The following FAR1 variants were observed in gnomAD, a reference collection of about 807,000 sequenced individuals.
The protein encoded by FAR1 is fatty acyl-CoA reductase 1, also known as male sterility domain-containing protein 2.
FAR1 carries 22 observed loss-of-function variants against 61.1 expected under a neutral mutation model. The observed-to-expected ratio is 0.36, with a 90% CI of 0.26 to 0.51. The LOEUF is 0.51. Ranked by LOEUF, FAR1 falls within the 20% of genes least tolerant of loss-of-function variation. The probability of loss-of-function intolerance (pLI) is 0.95; values close to 1 mark genes in which losing one functional copy is unlikely to be tolerated. For missense variants in FAR1, 359 were observed against 626.9 expected (o/e 0.57, Z 4.56); for synonymous variants, 206 against 209.7 (o/e 0.98, Z 0.15).
chr11:13,719,877 T>C (rs1848591178), intron 9 of FAR1: 1 of 152,194 alleles, frequency 6.6e-6, no homozygotes, highest in Non-Finnish European at 1.5e-5. Context: ...CTTGCCTTAC[T>C]CTAAAGGATT....
chr11:13,728,034 T>C (rs534428804), intron 11 of FAR1, among the ~76,000 whole-genome samples: 2 of 151,994 alleles, frequency 1.3e-5, no homozygotes, highest in South Asian at 4.2e-4. Flanking sequence ...GAACCTCTTT[T>C]CTCTACATCA....
intron 1 of FAR1, among the ~76,000 whole-genome samples, chr11:13,672,663 AG>A (rs35026369): frequency 0.14 from 20,950 of 152,082 alleles, 1,910 homozygotes; most frequent in Non-Finnish European, 0.19. Context: ...GTAGGAGAGA[AG>A]ATAGTCTTAT....
At chr11:13,669,148 C>T (rs1847964671) in intron 1 of FAR1, among the ~76,000 whole-genome samples, 1 of 152,148 alleles carries the variant, frequency 6.6e-6, no homozygotes, top group African/African-American at 2.4e-5. Context: ...AGCCGAGCAG[C>T]GGGCTCCGCG....
At chr11:13,714,307 C>T (rs760822050) in intron 8 of FAR1, among the ~76,000 whole-genome samples, 2 of 151,992 alleles carry the variant, frequency 1.3e-5, no homozygotes, top group Non-Finnish European at 2.9e-5. Flanking sequence ...TCATAAATAG[C>T]GGCAGTTACA....
intron 1 of FAR1, among the ~76,000 whole-genome samples, chr11:13,672,953 A>G (rs1390254988): frequency 6.6e-6 from 1 of 152,200 alleles, no homozygotes; most frequent in African/African-American, 2.4e-5. Context: ...TTGGCTTTAT[A>G]TCCTTCTTCC....
chr11:13,701,883 T>C (rs563875385), intron 3 of FAR1, among the ~76,000 whole-genome samples: 1 of 152,304 alleles, frequency 6.6e-6, no homozygotes, highest in South Asian at 2.1e-4. Context: ...GCTTTGGAAT[T>C]ACATACATTA....
At chr11:13,680,797 G>C (rs1368280549) in intron 1 of FAR1, among the ~76,000 whole-genome samples, 2 of 152,128 alleles carry the variant, frequency 1.3e-5, no homozygotes, top group African/African-American at 4.8e-5. Context: ...TTGGGAATCA[G>C]ATTTCAACAT....
At position 13,721,873 on chromosome 11, in the gene FAR1, TTC is replaced by T. The variant is rs770494479; in HGVS notation, c.1257+16_1257+17del. ...GAAGATAAAAAGGCAAGCAAGTATT[TTC>T]TGTTTTATATTAGAAAATAAGTAGC... On this transcript the variant is annotated intron_variant, in intron 10 of 11. Coordinates refer to ENST00000354817, the MANE Select transcript of FAR1 (RefSeq NM_032228.6). This position sits in a 1 kb window ranked among gnomAD's most constrained non-coding sequence, Gnocchi z 4.2. The T allele has an allele frequency of 6.3e-6, 10 of 1,582,350 alleles. No individual in the cohort carries two copies. The highest frequency in any genetic ancestry group is 1.7e-4 in the Middle Eastern group (1 of 5,998).
intron 10 of FAR1, among the ~76,000 whole-genome samples, chr11:13,725,558 G>T (rs1848660058): frequency 6.6e-6 from 1 of 151,970 alleles, no homozygotes; most frequent in South Asian, 2.1e-4. Context: ...TGGAAATGCA[G>T]ACTAAAGTTA....
intron 7 of FAR1, 45 bp from the exon 8 acceptor site, chr11:13,712,921 T>C (rs1329499858): frequency 6.6e-7 from 1 of 1,505,622 alleles, no homozygotes. Flanking sequence ...TTGGATATGT[T>C]TGGCCTCTTA....
Position 13,700,430 on chromosome 11 carries a change from C to A in FAR1, c.303C>A (p.Ile101=). The change falls in exon 3 of 12, where the codon ATC becomes ATA. Residue 101 remains isoleucine, a synonymous_variant. Transcript: ENST00000354817. ...LALSEEDKEV[I]IDSTNIIFHC... ...TCAGTGAAGAAGATAAAGAGGTGAT[C>A]ATAGATTCTACCAATATTATATTCC... The A allele has an allele frequency of 6.3e-7, 1 of 1,592,388 alleles. No homozygotes were observed. Among genetic ancestry groups the A allele is most frequent in the South Asian group, 1.2e-5 (1 of 85,868 alleles).
chr11:13,684,883 A>G (rs1354699965), intron 1 of FAR1, among the ~76,000 whole-genome samples: 1 of 152,224 alleles, frequency 6.6e-6, no homozygotes, highest in Non-Finnish European at 1.5e-5. Flanking sequence ...TTACCTTGGT[A>G]TAGGAATTTG....
intron 1 of FAR1, among the ~76,000 whole-genome samples, chr11:13,677,946 A>C (rs1848085985): frequency 6.6e-6 from 1 of 152,206 alleles, no homozygotes; most frequent in Non-Finnish European, 1.5e-5. Context: ...AATAACCAAA[A>C]ACTAAATTGA....
At chr11:13,682,899 A>G (rs969505362) in intron 1 of FAR1, among the ~76,000 whole-genome samples, 2 of 152,030 alleles carry the variant, frequency 1.3e-5, no homozygotes, top group African/African-American at 4.8e-5. Context: ...GGCATGAGCC[A>G]CTGCACTCAG....
intron 1 of FAR1, among the ~76,000 whole-genome samples, chr11:13,685,345 C>G (rs971190432): frequency 3.3e-5 from 5 of 151,792 alleles, no homozygotes; most frequent in African/African-American, 1.2e-4. Flanking sequence ...ACCCAGCCAA[C>G]TGGCACCTTC....
Position 13,710,852 on chromosome 11 carries a change from T to C in FAR1, c.705T>C (p.Ser235=). 2 of 1,610,878 alleles carry C rather than the reference T, an allele frequency of 1.2e-6. No individual in the cohort carries two copies. The highest frequency in any genetic ancestry group is 1.7e-6 in the Non-Finnish European group (2 of 1,179,014). The change falls in exon 5 of 12, where the codon AGT becomes AGC. Residue 235 remains serine, a synonymous_variant. Coordinates refer to ENST00000354817, the MANE Select transcript of FAR1 (RefSeq NM_032228.6). The part of the protein sequence containing the change: ...AIVRPSIVGA[S]WKEPFPGWID... Reference sequence around the variant, plus strand: ...TAAGGCCATCGATTGTTGGTGCCAGTTGGAAAGAACCTTTTCCAGTAAGTT... The same window carrying C: ...TAAGGCCATCGATTGTTGGTGCCAGCTGGAAAGAACCTTTTCCAGTAAGTT...
At chr11:13,681,242 TA>T (rs1202833157) in intron 1 of FAR1, among the ~76,000 whole-genome samples, 3 of 151,980 alleles carry the variant, frequency 2.0e-5, no homozygotes, top group Non-Finnish European at 2.9e-5. Flanking sequence ...TTTGAGTGGC[TA>T]AAAAAAACAG....
chr11:13,674,324 A>G (rs1269077393), intron 1 of FAR1, among the ~76,000 whole-genome samples: 4 of 151,782 alleles, frequency 2.6e-5, no homozygotes, highest in African/African-American at 9.7e-5. Context: ...AAAAAAAAAA[A>G]GAAAAAAAGA....
At chr11:13,687,655 T>C (rs1179569230) in intron 1 of FAR1, among the ~76,000 whole-genome samples, 1 of 152,156 alleles carries the variant, frequency 6.6e-6, no homozygotes, top group African/African-American at 2.4e-5. Flanking sequence ...GTGTATTGGT[T>C]GAATGGGGAA....
Sources: gnomAD v4.1 joint callset for allele counts (sites outside exome capture counted in the v4.1 genomes callset) on GRCh38, gnomAD v4.1.1 for gene constraint, Gnocchi (gnomAD v3.1) non-coding constraint, MANE v1.5 for transcripts, NCBI Gene and HGNC (gene_info 2026-07-23, HGNC 2026-07-21) for gene names.